The following ATP2B2 variants were observed in gnomAD, a reference collection of about 807,000 sequenced individuals.
The protein encoded by ATP2B2 is ATPase plasma membrane Ca2+ transporting 2.
A neutral mutation model predicts 120.0 loss-of-function variants in ATP2B2; 15 were observed. That is an observed-to-expected ratio of 0.12 (90% CI 0.08 to 0.19). The LOEUF (loss-of-function observed/expected upper bound fraction) is 0.19, where lower values mean the gene tolerates loss of function less well. Ranked by LOEUF, ATP2B2 falls within the 10% of genes least tolerant of loss-of-function variation. The probability of loss-of-function intolerance (pLI) is 1.00; values close to 1 mark genes in which losing one functional copy is unlikely to be tolerated. For missense variants in ATP2B2, 1,045 were observed against 1,719.8 expected, an observed-to-expected ratio of 0.61 and a Z score of 6.94; for synonymous variants, 694 against 700.3, an observed-to-expected ratio of 0.99 and a Z score of 0.14.
At chr3:10,400,577 C>A (rs552318716) in intron 5 of ATP2B2, among the ~76,000 whole-genome samples, 1 of 152,280 alleles carries the variant, frequency 6.6e-6, no homozygotes, top group African/African-American at 2.4e-5. Context: ...TAGTGCCGGG[C>A]CCAGTACCTG....
chr3:10,622,421 C>T (rs2069577144), intron 1 of ATP2B2, among the ~76,000 whole-genome samples: 2 of 152,152 alleles, frequency 1.3e-5, no homozygotes, highest in South Asian at 2.1e-4. Context: ...GCCATGAACT[C>T]TGCATCCAGG....
At chr3:10,371,760 AT>A (rs2125504515) in intron 12 of ATP2B2, 48 bp downstream of exon 12, 1 of 1,613,918 alleles carries the variant, frequency 6.2e-7, no homozygotes, top group African/African-American at 1.3e-5. Flanking sequence ...CCTCTGTACC[AT>A]CCCATGGATG....
intron 1 of ATP2B2, among the ~76,000 whole-genome samples, chr3:10,702,306 AG>A (rs1174625572): frequency 6.6e-6 from 1 of 152,248 alleles, no homozygotes; most frequent in Non-Finnish European, 1.5e-5. Context: ...TGATCACGAT[AG>A]TAACACTAAT....
chr3:10,589,110 T>C (rs982091510), intron 2 of ATP2B2, among the ~76,000 whole-genome samples: 1 of 151,862 alleles, frequency 6.6e-6, no homozygotes, highest in East Asian at 1.9e-4. Flanking sequence ...GACCTGTAGG[T>C]GGGGATGGGT....
intron 1 of ATP2B2, among the ~76,000 whole-genome samples, chr3:10,455,142 G>C (rs1451570715): frequency 6.6e-6 from 1 of 152,158 alleles, no homozygotes; most frequent in Admixed American, 6.5e-5. Context: ...ACCTCAGTTT[G>C]CTCATCTGTA....
At chr3:10,499,931 CTTT>C (rs57211710) in intron 1 of ATP2B2, among the ~76,000 whole-genome samples, 7 of 117,598 alleles carry the variant, frequency 6.0e-5, no homozygotes, top group African/African-American at 7.0e-5. Context: ...TGGGCACATT[CTTT>C]TTTTTTTTTT....
rs2059931466 is a variant in ATP2B2 at position 10,329,829 on chromosome 3, G to A, written c.3421-704C>T. Among the ~76,000 whole-genome samples, 1 of 152,178 alleles carries A rather than the reference G, an allele frequency of 6.6e-6. No individual in the cohort carries two copies. On this transcript the variant is annotated intron_variant, in intron 22 of 22. Coordinates refer to ENST00000360273, the MANE Select transcript of ATP2B2 (RefSeq NM_001001331.4). This position sits in a 1 kb window ranked among gnomAD's most constrained non-coding sequence, Gnocchi z 5.9. Reference sequence around the variant, plus strand: ...CATTCGGGGGCGGGCTGCATGCCACGGGGAGGCCGGGAGCCACATGGCACA... The same window carrying A: ...CATTCGGGGGCGGGCTGCATGCCACAGGGAGGCCGGGAGCCACATGGCACA...
chr3:10,453,677 G>A (rs1450244315), intron 1 of ATP2B2, among the ~76,000 whole-genome samples: 1 of 152,220 alleles, frequency 6.6e-6, no homozygotes, highest in Non-Finnish European at 1.5e-5. Flanking sequence ...GCTACCTGCG[G>A]AGTGGCTTAC....
chr3:10,693,834 T>C (rs2071704409), intron 1 of ATP2B2, among the ~76,000 whole-genome samples: 1 of 152,214 alleles, frequency 6.6e-6, no homozygotes, highest in African/African-American at 2.4e-5. Context: ...GGTGAACAAA[T>C]ACATCTAGGT....
At chr3:10,457,613 T>C (rs762395699) in intron 1 of ATP2B2, among the ~76,000 whole-genome samples, 3 of 152,044 alleles carry the variant, frequency 2.0e-5, no homozygotes, top group Admixed American at 6.5e-5. Flanking sequence ...GCCACACCTG[T>C]CTCTGGGTGT....
intron 1 of ATP2B2, among the ~76,000 whole-genome samples, chr3:10,499,540 A>G (rs1309639026): frequency 6.6e-6 from 1 of 152,260 alleles, no homozygotes; most frequent in Admixed American, 6.5e-5. Flanking sequence ...ACATTTCGGT[A>G]CTTGGCAATT....
chr3:10,610,527 C>T (rs913536668), intron 2 of ATP2B2, among the ~76,000 whole-genome samples: 115 of 152,334 alleles, frequency 7.5e-4, no homozygotes, highest in African/African-American at 2.7e-3. Context: ...AACGTATTCA[C>T]TGCATGAGGT....
chr3:10,604,449 T>C (rs1285036993), intron 2 of ATP2B2, among the ~76,000 whole-genome samples: 1 of 152,194 alleles, frequency 6.6e-6, no homozygotes, highest in Admixed American at 6.5e-5. Flanking sequence ...AGACCAAGTA[T>C]TGATTGGGTG....
At chr3:10,562,303 G>A (rs2125531512) in intron 2 of ATP2B2, among the ~76,000 whole-genome samples, 1 of 152,326 alleles carries the variant, frequency 6.6e-6, no homozygotes, top group East Asian at 1.9e-4. Flanking sequence ...AGTCTGACTG[G>A]TACGAGGAGG....
rs192458687 is a variant in ATP2B2 at position 10,685,421 on chromosome 3, C to T, written c.-460+22494G>A. Among the ~76,000 whole-genome samples, 453 of 152,238 alleles carry T rather than the reference C, an allele frequency of 3.0e-3. 2 individuals are homozygous for T. The highest frequency in any genetic ancestry group is 4.6e-3 in the Non-Finnish European group (316 of 68,014). On this transcript the variant is annotated intron_variant, in intron 1 of 21. Transcript: ENST00000646379. Reference sequence around the variant, plus strand: ...GGAAGGCAAGTACTGCTGGGTGTTCCGTGGGGACTCCAGCTGAGGTGTCTC... The same window carrying T: ...GGAAGGCAAGTACTGCTGGGTGTTCTGTGGGGACTCCAGCTGAGGTGTCTC...
At position 10,326,990 on chromosome 3, in the gene ATP2B2, G is replaced by C. The variant is rs1244716681; in HGVS notation, c.*1824C>G. On this transcript the variant is annotated 3_prime_UTR_variant, in exon 23 of 23. Transcript: ENST00000360273. ...TTTGCAAGAGAGGCGGAAAGTGTTT[G>C]GTTTTCCTCGAAGCATGGGACATCA... The C allele has an allele frequency of 7.5e-6, 3 of 397,930 alleles. No individual in the cohort carries two copies. The highest frequency in any genetic ancestry group is 8.8e-6 in the Non-Finnish European group (2 of 226,006). The allele number at this position is 397,930 out of a possible 1,614,324, so 24.6% of individuals were successfully genotyped here.
chr3:10,342,357 C>T lies in ATP2B2; in HGVS notation c.2917+395G>A, dbSNP rs548147008. 2.6e-5 allele frequency among the ~76,000 whole-genome samples: 4 copies of T among 152,282 alleles called. No homozygotes were observed. Among genetic ancestry groups the T allele is most frequent in the African/African-American group, 9.6e-5 (4 of 41,552 alleles). Reference sequence around the variant, plus strand: ...GTATGCCCTGCCCCAGGAAGCCTTGCTGAGGGTCCCTTCCACGGGGCCAGG... The same window carrying T: ...GTATGCCCTGCCCCAGGAAGCCTTGTTGAGGGTCCCTTCCACGGGGCCAGG... On this transcript the variant is annotated intron_variant, in intron 19 of 22. Transcript: ENST00000360273. The surrounding 1 kb of genome is among the most constrained non-coding windows in gnomAD (Gnocchi z 4.4).
At chr3:10,482,840 C>T (rs569502008) in intron 1 of ATP2B2, among the ~76,000 whole-genome samples, 13 of 152,360 alleles carry the variant, frequency 8.5e-5, no homozygotes, top group South Asian at 8.3e-4. Flanking sequence ...GGCCTGCCAC[C>T]GCTCCCAGCC....
chr3:10,685,750 T>C lies in ATP2B2; in HGVS notation c.-460+22165A>G, dbSNP rs150252239. ...AGGAACACACATGATCCCATACATG[T>C]GTGACAGCAGGGACTTATGCCTGAA... On this transcript the variant is annotated intron_variant, in intron 1 of 21. Transcript: ENST00000646379. Among the ~76,000 whole-genome samples the C allele has an allele frequency of 4.4e-3, 663 of 152,176 alleles. 4 individuals are homozygous for C. Among genetic ancestry groups the C allele is most frequent in the African/African-American group, 0.015 (629 of 41,546 alleles).
Sources: gnomAD v4.1 joint callset for allele counts (sites outside exome capture counted in the v4.1 genomes callset) on GRCh38, gnomAD v4.1.1 for gene constraint, Gnocchi (gnomAD v3.1) non-coding constraint, MANE v1.5 for transcripts, NCBI Gene and HGNC (gene_info 2026-07-23, HGNC 2026-07-21) for gene names.